Variants in FAT1 observed in about 807,000 individuals in gnomAD.
FAT1 encodes the protein protocadherin Fat 1.
FAT1 carries 171 observed loss-of-function variants against 329.8 expected under a neutral mutation model. The ratio of observed to expected loss-of-function variants is 0.52; its 90% CI spans 0.46 to 0.59. The LOEUF (loss-of-function observed/expected upper bound fraction) is 0.59. Among genes scored for constraint, FAT1 ranks in the 20% least tolerant of loss-of-function variants. The probability of loss-of-function intolerance (pLI) is 0.00; values close to 1 mark genes in which losing one functional copy is unlikely to be tolerated. For missense variants in FAT1, 5,672 were observed against 5,774.4 expected (o/e 0.98, Z 0.57); for synonymous variants, 2,233 against 2,228.6 (o/e 1.00, Z -0.06).
intron 26 of FAT1, among the ~76,000 whole-genome samples, chr4:186,594,675 A>AATATATATAT (rs1235527040): frequency 1.3e-5 from 1 of 78,226 alleles, no homozygotes; most frequent in African/African-American, 6.2e-5. Context: ...TATACTTGAA[A>AATATATATAT]GTATATATAT....
Position 186,707,374 on chromosome 4 carries a change from A to C in FAT1, c.2454T>G (p.Asn818Lys), listed in dbSNP as rs1409061614. The change falls in exon 2 of 27, where the codon AAT (asparagine) becomes AAG (lysine). Residue 818 changes from asparagine (N) to lysine (K), a missense_variant. This residue lies in a region of FAT1 where 3,966 missense variants were observed against 3,915.2 expected (regional missense o/e 1.01). Coordinates refer to ENST00000441802, the MANE Select transcript of FAT1 (RefSeq NM_005245.4). ...LHVVVVDANDNPPEFLQESYF... is the reference protein window; with the variant it reads ...LHVVVVDANDKPPEFLQESYF... ...AGCTCTCCTGTAAAAACTCGGGTGG[A>C]TTATCATTGGCATCGACAACCACGA... 6.2e-7 allele frequency: 1 copy of C among 1,613,850 alleles called. No homozygotes were observed. The highest frequency in any genetic ancestry group is 8.5e-7 in the Non-Finnish European group (1 of 1,179,898).
chr4:186,613,231 G>C lies in FAT1; in HGVS notation c.9341C>G (p.Thr3114Arg), dbSNP rs778337700. The C allele has an allele frequency of 1.1e-5, 17 of 1,613,708 alleles. No individual in the cohort carries two copies. The highest frequency in any genetic ancestry group is 1.6e-4 in the Middle Eastern group (1 of 6,084). The change falls in exon 13 of 27, where the codon ACG becomes AGG. Residue 3114 changes from threonine (T) to arginine (R), a missense_variant. Thr to Arg is a moderately conservative substitution (Grantham distance 71). Transcript: ENST00000441802. ...GRFCQASIVLTLEDVNDNAPE... is the reference protein window; with the variant it reads ...GRFCQASIVLRLEDVNDNAPE... ...GGCGTTATCGTTCACATCTTCTAGC[G>C]TGAGCACAATACTGGCTTGGCAGAA... is the stretch of plus-strand genomic sequence containing the variant.
intron 3 of FAT1, among the ~76,000 whole-genome samples, chr4:186,660,699 C>T (rs188967858): frequency 3.9e-5 from 6 of 152,164 alleles, no homozygotes; most frequent in African/African-American, 7.2e-5. Flanking sequence ...TCTGCAAACA[C>T]CTTTTCTTTA....
Position 186,602,942 on chromosome 4 carries a change from T to C in FAT1, c.11443A>G (p.Thr3815Ala). 6.2e-7 allele frequency: 1 copy of C among 1,613,966 alleles called. No homozygotes were observed. Among genetic ancestry groups the C allele is most frequent in the South Asian group, 1.1e-5 (1 of 91,080 alleles). Residue 3815 changes from threonine (T) to alanine (A), a missense_variant, in exon 20 of 27, where the codon ACC becomes GCC. Thr to Ala is a moderately conservative substitution (Grantham distance 58). This residue lies in a region of FAT1 where 1,706 missense variants were observed against 1,859.1 expected (regional missense o/e 0.92). Coordinates refer to ENST00000441802, the MANE Select transcript of FAT1 (RefSeq NM_005245.4). ...CVSDPWEEKHTCVCPSGRFGQ... is the reference protein window; with the variant it reads ...CVSDPWEEKHACVCPSGRFGQ... Reference sequence around the variant, plus strand: ...AACCTGCCGCTGGGACAGACACAGGTGTGTTTCTCCTCCCAGGGATCAGAC... The same window carrying C: ...AACCTGCCGCTGGGACAGACACAGGCGTGTTTCTCCTCCCAGGGATCAGAC...
intron 13 of FAT1, 139 bp downstream of exon 13, chr4:186,612,970 A>G: frequency 1.7e-6 from 1 of 597,906 alleles, no homozygotes; most frequent in Middle Eastern, 4.4e-4. Flanking sequence ...TATTCTAAAG[A>G]TTTCCTTCCA....
At chr4:186,616,930 C>G (rs1394152771) in intron 11 of FAT1, 75 bp downstream of exon 11, 8 of 1,340,862 alleles carry the variant, frequency 6.0e-6, no homozygotes, top group Non-Finnish European at 8.3e-6. Context: ...CACCACAGCG[C>G]CAAATGATGG....
chr4:186,674,040 A>T (rs973278906), intron 2 of FAT1, among the ~76,000 whole-genome samples: 1 of 152,234 alleles, frequency 6.6e-6, no homozygotes, highest in Non-Finnish European at 1.5e-5. Context: ...ACCAATGGCA[A>T]TGCTTCTGGA....
At position 186,601,251 on chromosome 4, in the gene FAT1, C is replaced by T. The variant is rs375466129; in HGVS notation, c.11640+18G>A. ...TTGAAAGTCTTCCACTAAGATGCAA[C>T]GCTGTGGAGAAACATACCTCCAAGA... On this transcript the variant is annotated intron_variant, in intron 21 of 26. Transcript: ENST00000441802. 8.1e-5 allele frequency: 125 copies of T among 1,550,384 alleles called. No individual in the cohort carries two copies. The highest frequency in any genetic ancestry group is 1.5e-4 in the African/African-American group (11 of 74,178).
intron 22 of FAT1, chr4:186,598,888 A>C (rs563449877): frequency 2.6e-5 from 4 of 152,462 alleles, no homozygotes; most frequent in South Asian, 2.1e-4. Context: ...AGATCTTCTA[A>C]CTGCCTGCCT....
intron 6 of FAT1, among the ~76,000 whole-genome samples, chr4:186,634,985 G>A (rs189031): frequency 0.16 from 23,889 of 152,236 alleles, 2,382 homozygotes; most frequent in African/African-American, 0.29. Flanking sequence ...TTTGAGCATC[G>A]TTAACTACGA....
rs1202087080 is a variant in FAT1 at position 186,588,230 on chromosome 4, A to C, written c.*362T>G. ...TCTTGGAAATCTAGTTAAAACTATGAAAAATCAAATCTGTACATAAAATTT... is the reference window on the plus strand; with the variant it reads ...TCTTGGAAATCTAGTTAAAACTATGCAAAATCAAATCTGTACATAAAATTT... On this transcript the variant is annotated 3_prime_UTR_variant, in exon 27 of 27. Transcript: ENST00000441802. 7.9e-6 allele frequency: 2 copies of C among 251,648 alleles called. No individual in the cohort carries two copies. The highest frequency in any genetic ancestry group is 2.2e-5 in the African/African-American group (1 of 45,802). The allele number at this position is 251,648 out of a possible 1,614,324, so 15.6% of individuals were successfully genotyped here. A position where few individuals can be genotyped will look rare whatever the true frequency, so the allele number is the denominator to read the frequency against.
In FAT1 at chr4:186,636,602, C is replaced by T. The variant is rs2126562624; in HGVS notation, c.3955G>A (p.Glu1319Lys). 5 of 1,611,048 alleles carry T rather than the reference C, an allele frequency of 3.1e-6. No homozygotes were observed. The highest frequency in any genetic ancestry group is 4.2e-6 in the Non-Finnish European group (5 of 1,178,388). ...TAACTCACTGAAAGAATATCATATT[C>T]TCCAGCTGCTGAAAACCTCTTGGAC... ...VSSKRFSAAG[E>K]YDILSIKAVD... The change falls in exon 5 of 27, where the codon GAA becomes AAA. Residue 1319 changes from glutamate to lysine, a missense_variant. Transcript: ENST00000441802.
intron 2 of FAT1, among the ~76,000 whole-genome samples, chr4:186,704,981 G>A (rs1381703588): frequency 8.9e-6 from 1 of 112,080 alleles, no homozygotes; most frequent in Non-Finnish European, 1.7e-5. Context: ...GTCTGGCTCT[G>A]TTGCCCAGGC....
intron 2 of FAT1, among the ~76,000 whole-genome samples, chr4:186,671,295 T>C (rs1215683385): frequency 6.6e-6 from 1 of 152,144 alleles, no homozygotes; most frequent in African/African-American, 2.4e-5. Flanking sequence ...AAAATATAAT[T>C]TACTGTAAAA....
At chr4:186,604,652 T>C in intron 17 of FAT1, 78 bp from the exon 18 acceptor site, 1 of 899,568 alleles carries the variant, frequency 1.1e-6, no homozygotes, top group South Asian at 1.9e-5. Context: ...ACATGAGTTT[T>C]CTATAATATA....
intron 6 of FAT1, among the ~76,000 whole-genome samples, chr4:186,635,710 T>C (rs755865877): frequency 5.3e-5 from 8 of 152,174 alleles, no homozygotes; most frequent in Non-Finnish European, 8.8e-5. Flanking sequence ...CATCAATAAA[T>C]AAACAGTAAG....
chr4:186,688,114 G>GAAAA (rs55834504), intron 2 of FAT1, among the ~76,000 whole-genome samples: 1 of 55,646 alleles, frequency 1.8e-5, no homozygotes, highest in Non-Finnish European at 4.1e-5. Flanking sequence ...ACTCAAAGCT[G>GAAAA]AAAAAAAAAA....
intron 3 of FAT1, among the ~76,000 whole-genome samples, chr4:186,655,103 AG>A (rs1741843740): frequency 6.6e-6 from 1 of 152,196 alleles, no homozygotes; most frequent in Non-Finnish European, 1.5e-5. Context: ...TTAAAATCTC[AG>A]GAAGACAGAA....
At chr4:186,613,365 T>C in intron 12 of FAT1, 23 bp from the exon 13 acceptor site, 1 of 1,558,968 alleles carries the variant, frequency 6.4e-7, no homozygotes, top group South Asian at 1.1e-5. Context: ...ACAAATGGAC[T>C]CACTTGTAAT....
Sources: gnomAD v4.1 joint callset for allele counts (sites outside exome capture counted in the v4.1 genomes callset) on GRCh38, gnomAD v4.1.1 for gene constraint, gnomAD v4.1.1 regional missense constraint, MANE v1.5 for transcripts, NCBI Gene and HGNC (gene_info 2026-07-23, HGNC 2026-07-21) for gene names.